Variants in GCSAML observed in about 807,000 individuals in gnomAD.
GCSAML encodes the protein germinal center-associated signaling and motility-like protein.
Under a neutral mutation model 13.0 loss-of-function variants are expected in GCSAML, and 9 were observed. The ratio of observed to expected loss-of-function variants is 0.69; its 90% CI spans 0.42 to 1.21. GCSAML has a LOEUF of 1.21. Ranked by LOEUF, GCSAML falls within the 50% of genes most tolerant of loss-of-function variation. The probability of loss-of-function intolerance (pLI) is 0.00; values close to 1 mark genes in which losing one functional copy is unlikely to be tolerated. For synonymous variants in GCSAML, 37 were observed against 52.9 expected (o/e 0.70, Z 1.31); for missense variants, 143 against 153.4 (o/e 0.93, Z 0.36).
At chr1:247,531,404 T>C in intron 2 of GCSAML, 1 of 746,674 alleles carries the variant, frequency 1.3e-6, no homozygotes, top group South Asian at 1.9e-5. Context: ...GGTCTGGAAA[T>C]GGCATGAGCA....
chr1:247,572,892 C>T (rs1254311869), intron 4 of GCSAML, among the ~76,000 whole-genome samples: 3 of 152,210 alleles, frequency 2.0e-5, no homozygotes, highest in African/African-American at 7.2e-5. Context: ...TATAGAGAGG[C>T]AGTCTGGCCA....
intron 2 of GCSAML, among the ~76,000 whole-genome samples, chr1:247,541,992 A>G (rs746288983): frequency 2.0e-5 from 3 of 151,426 alleles, no homozygotes; most frequent in Non-Finnish European, 4.4e-5. Flanking sequence ...CCTGGGCAAC[A>G]GAGTGAGACT....
chr1:247,552,187 A>T (rs1667799958), intron 1 of GCSAML, among the ~76,000 whole-genome samples: 1 of 152,226 alleles, frequency 6.6e-6, no homozygotes, highest in South Asian at 2.1e-4. Context: ...GCTGCTTCTG[A>T]GGCTTTTATT....
At chr1:247,531,419 C>T (rs1333258766) in intron 2 of GCSAML, 1 of 855,194 alleles carries the variant, frequency 1.2e-6, no homozygotes, top group East Asian at 2.5e-5. Context: ...TGAGCACACT[C>T]CTTTCAGATT....
intron 1 of GCSAML, among the ~76,000 whole-genome samples, chr1:247,553,251 G>C (rs1375755148): frequency 6.6e-6 from 1 of 152,076 alleles, no homozygotes; most frequent in African/African-American, 2.4e-5. Context: ...TTGTTGGAAT[G>C]CTATTGAATT....
intron 1 of GCSAML, among the ~76,000 whole-genome samples, chr1:247,513,867 A>G (rs1666125586): frequency 6.6e-6 from 1 of 152,060 alleles, no homozygotes; most frequent in South Asian, 2.1e-4. Flanking sequence ...TCCCAGTGAG[A>G]TGAGCTGGGT....
intron 2 of GCSAML, among the ~76,000 whole-genome samples, chr1:247,560,874 C>T (rs1414874767): frequency 5.9e-5 from 9 of 152,046 alleles, no homozygotes; most frequent in African/African-American, 2.2e-4. Context: ...CCTGTGAAGT[C>T]GGTTTTCAGA....
chr1:247,562,688 G>A (rs951139322), intron 2 of GCSAML, among the ~76,000 whole-genome samples: 2 of 151,962 alleles, frequency 1.3e-5, no homozygotes, highest in African/African-American at 4.8e-5. Flanking sequence ...TTAAATTTAG[G>A]AGTCTGACTG....
At chr1:247,515,925 C>T (rs927595743) in intron 1 of GCSAML, among the ~76,000 whole-genome samples, 7 of 152,168 alleles carry the variant, frequency 4.6e-5, no homozygotes, top group African/African-American at 1.7e-4. Flanking sequence ...TTATACTAAC[C>T]ACACCTACAC....
At chr1:247,521,337 C>CGG (rs1558235834) in intron 1 of GCSAML, among the ~76,000 whole-genome samples, 5 of 128,858 alleles carry the variant, frequency 3.9e-5, no homozygotes, top group Non-Finnish European at 8.6e-5. Flanking sequence ...CTCCCTCTCC[C>CGG]TCTCCACGGT....
chr1:247,555,541 C>A (rs1231667453), intron 1 of GCSAML, among the ~76,000 whole-genome samples: 1 of 152,182 alleles, frequency 6.6e-6, no homozygotes, highest in Admixed American at 6.5e-5. Context: ...GTTTCTTGAA[C>A]ATATACATAT....
chr1:247,542,213 C>G (rs946740979), intron 2 of GCSAML, among the ~76,000 whole-genome samples: 1 of 152,130 alleles, frequency 6.6e-6, no homozygotes. Context: ...GAGTTCTAAG[C>G]TTTAGCATGC....
chr1:247,548,904 T>C, upstream of GCSAML: 1 of 522,666 alleles, frequency 1.9e-6, no homozygotes, highest in Non-Finnish European at 3.3e-6. This position sits in a 1 kb window ranked among gnomAD's most constrained non-coding sequence, Gnocchi z 5.3. Flanking sequence ...ACTTTCATGT[T>C]TCAGCCTGAT....
chr1:247,514,578 TC>T (rs1291000277), intron 1 of GCSAML, among the ~76,000 whole-genome samples: 1 of 152,230 alleles, frequency 6.6e-6, no homozygotes, highest in Non-Finnish European at 1.5e-5. Flanking sequence ...TCCAATGTTA[TC>T]TTGTAGAATC....
chr1:247,517,449 C>T (rs565425114), intron 1 of GCSAML, among the ~76,000 whole-genome samples: 1 of 152,078 alleles, frequency 6.6e-6, no homozygotes, highest in Non-Finnish European at 1.5e-5. Context: ...GAGAGCTGAT[C>T]GTATTAATTG....
chr1:247,546,519 T>C (rs375760143), upstream of GCSAML, among the ~76,000 whole-genome samples: 86 of 152,006 alleles, frequency 5.7e-4, no homozygotes, highest in East Asian at 4.5e-3. Flanking sequence ...CCACCACGCC[T>C]GGCTCATTTT....
intron 1 of GCSAML, among the ~76,000 whole-genome samples, chr1:247,516,825 T>G (rs898450917): frequency 6.6e-6 from 1 of 152,194 alleles, no homozygotes; most frequent in South Asian, 2.1e-4. Flanking sequence ...ACAGCCAACA[T>G]TTAATTGTTG....
intron 4 of GCSAML, among the ~76,000 whole-genome samples, chr1:247,569,929 G>A (rs369788141): frequency 4.6e-5 from 7 of 152,144 alleles, no homozygotes; most frequent in East Asian, 1.9e-4. Context: ...TCCTGGTTTA[G>A]TCTTGGAAGG....
Position 247,564,856 on chromosome 1 carries a change from A to G in GCSAML, c.140-1075A>G, listed in dbSNP as rs550413044. On this transcript the variant is annotated intron_variant, in intron 3 of 4. Transcript: ENST00000366488. ...TGGACCCCTTCCTTACGCCATATAC[A>G]AAAATTAACTCAAGATGGATTAAAG... Among the ~76,000 whole-genome samples the G allele has an allele frequency of 9.2e-5, 14 of 152,302 alleles. No homozygotes were observed. In the East Asian group the frequency reaches 2.7e-3, roughly 29 times the overall value.
Sources: gnomAD v4.1 joint callset for allele counts (sites outside exome capture counted in the v4.1 genomes callset) on GRCh38, gnomAD v4.1.1 for gene constraint, Gnocchi (gnomAD v3.1) non-coding constraint, MANE v1.5 for transcripts, NCBI Gene and HGNC (gene_info 2026-07-23, HGNC 2026-07-21) for gene names.